Variants in TTBK2 observed in about 807,000 individuals in gnomAD.
TTBK2 encodes the protein tau-tubulin kinase 2.
Under a neutral mutation model 110.8 loss-of-function variants are expected in TTBK2, and 28 were observed. That is an observed-to-expected ratio of 0.25 (90% CI 0.19 to 0.35). TTBK2 has a LOEUF of 0.35. Among genes scored for constraint, TTBK2 ranks in the 10% least tolerant of loss-of-function variants. The probability of loss-of-function intolerance (pLI) is 1.00; values close to 1 mark genes in which losing one functional copy is unlikely to be tolerated. For missense variants in TTBK2, 1,369 were observed against 1,500.3 expected (o/e 0.91, Z 1.45); for synonymous variants, 532 against 527.3 (o/e 1.01, Z -0.12).
Position 42,811,753 on chromosome 15 carries a change from A to G in TTBK2, c.631T>C (p.Ser211Pro). The change falls in exon 8 of 15, where the codon TCC becomes CCC. Residue 211 changes from serine to proline, a missense_variant. By Grantham distance (74) the Ser-to-Pro change is moderately conservative. Coordinates refer to ENST00000267890, the MANE Select transcript of TTBK2 (RefSeq NM_173500.4). Reference sequence around the variant, plus strand: ...AACTCCACCAACATGTAGAATAAGGACCAAAGGTCATCATGTCTTCCCATT... The same window carrying G: ...AACTCCACCAACATGTAGAATAAGGGCCAAAGGTCATCATGTCTTCCCATT... ...REMGRHDDLW[S>P]LFYMLVEFVV... 12 of 1,613,724 alleles carry G rather than the reference A, an allele frequency of 7.4e-6. No homozygotes were observed. Among genetic ancestry groups the G allele is most frequent in the Non-Finnish European group, 1.0e-5 (12 of 1,179,774 alleles).
At chr15:42,897,861 C>CAT (rs1895728779) in intron 1 of TTBK2, among the ~76,000 whole-genome samples, 1 of 150,014 alleles carries the variant, frequency 6.7e-6, no homozygotes, top group East Asian at 2.0e-4. Context: ...CACACACACA[C>CAT]ACACGGAACT....
At chr15:42,840,616 A>C in intron 3 of TTBK2, 183 bp from the exon 4 acceptor site, 1 of 702,938 alleles carries the variant, frequency 1.4e-6, no homozygotes, top group Non-Finnish European at 2.6e-6. Context: ...GCACTGTACT[A>C]TTCCTTTGTG....
intron 3 of TTBK2, among the ~76,000 whole-genome samples, chr15:42,842,215 A>C (rs1410139669): frequency 6.6e-6 from 1 of 152,154 alleles, no homozygotes; most frequent in Non-Finnish European, 1.5e-5. Flanking sequence ...CAACATTCAA[A>C]GCATGAGCAA....
intron 1 of TTBK2, among the ~76,000 whole-genome samples, chr15:42,896,552 T>C (rs1895675763): frequency 6.6e-6 from 1 of 152,068 alleles, no homozygotes; most frequent in Non-Finnish European, 1.5e-5. Context: ...TTTGGGAGGC[T>C]GAGGAAGGAC....
chr15:42,763,139 CATACATATATATATATACATATATATAT>C (rs1567008617), intron 13 of TTBK2, among the ~76,000 whole-genome samples: 1 of 57,250 alleles, frequency 1.7e-5, no homozygotes, highest in Non-Finnish European at 2.8e-5. Flanking sequence ...TACATATATA[CATACATATATATATATACATATATATAT>C]ATATATATAT....
chr15:42,801,573 T>C (rs149228333), intron 9 of TTBK2: 7 of 770,290 alleles, frequency 9.1e-6, no homozygotes, highest in South Asian at 2.7e-5. Context: ...ATCTAGTACA[T>C]GCTCTCAGCC....
intron 6 of TTBK2, among the ~76,000 whole-genome samples, chr15:42,825,612 G>A (rs1892495718): frequency 6.6e-6 from 1 of 152,198 alleles, no homozygotes; most frequent in African/African-American, 2.4e-5. Context: ...CTACTGGGGA[G>A]GCTGAGGCAA....
At chr15:42,759,371 G>A (rs1022791077) in intron 13 of TTBK2, among the ~76,000 whole-genome samples, 2 of 152,224 alleles carry the variant, frequency 1.3e-5, no homozygotes, top group Non-Finnish European at 2.9e-5. Flanking sequence ...CAGGCCAGCT[G>A]AGCGGCTGCA....
chr15:42,870,455 A>G (rs1427020944), intron 3 of TTBK2, among the ~76,000 whole-genome samples: 1 of 152,046 alleles, frequency 6.6e-6, no homozygotes, highest in Non-Finnish European at 1.5e-5. Flanking sequence ...TTGAGAACTG[A>G]GGGAATGTGA....
intron 1 of TTBK2, among the ~76,000 whole-genome samples, chr15:42,882,218 A>T (rs1895077656): frequency 6.6e-6 from 1 of 150,824 alleles, no homozygotes; most frequent in African/African-American, 2.4e-5. Flanking sequence ...CAATAAGCAC[A>T]ACACACACAC....
rs1008235972 is a variant in TTBK2, at chr15:42,742,673, C to T, written c.*3122G>A. On this transcript the variant is annotated 3_prime_UTR_variant, in exon 15 of 15. Transcript: ENST00000267890. ...GTGACTGACTAGGTAACCAGCTATT[C>T]TGTTGTGACAGAAGAAACCAGGTAA... 6.6e-6 allele frequency: 1 copy of T among 152,184 alleles called. No homozygotes were observed. The highest frequency in any genetic ancestry group is 2.4e-5 in the African/African-American group (1 of 41,458). The allele number at this position is 152,184 out of a possible 1,614,324, so 9.4% of individuals were successfully genotyped here. A position where few individuals can be genotyped will look rare whatever the true frequency, so the allele number is the denominator to read the frequency against.
At chr15:42,826,977 G>C (rs1157157823) in intron 6 of TTBK2, among the ~76,000 whole-genome samples, 1 of 152,180 alleles carries the variant, frequency 6.6e-6, no homozygotes, top group East Asian at 1.9e-4. Context: ...ACTGACTTCA[G>C]AAATGATTCC....
At chr15:42,850,519 A>G (rs1893654649) in intron 3 of TTBK2, among the ~76,000 whole-genome samples, 1 of 152,220 alleles carries the variant, frequency 6.6e-6, no homozygotes, top group African/African-American at 2.4e-5. Flanking sequence ...ATTCAGTGGG[A>G]GAGACAGAGT....
rs1566998709 is a variant in TTBK2 at position 42,749,921 on chromosome 15, AAAAC to A, written c.3272+2049_3272+2052del. ...ACAGAGACAGTCTACAACCATCAAA[AAAAC>A]AAACAAACAAATTAGCTAGGTGTGC... On this transcript the variant is annotated intron_variant, in intron 14 of 14. Coordinates refer to ENST00000267890, the MANE Select transcript of TTBK2 (RefSeq NM_173500.4). 4.6e-5 allele frequency among the ~76,000 whole-genome samples: 7 copies of A among 152,236 alleles called. No individual in the cohort carries two copies. The South Asian group carries it at 8.3e-4, about 18-fold the overall frequency.
intron 6 of TTBK2, among the ~76,000 whole-genome samples, chr15:42,826,685 A>G (rs1332258590): frequency 6.6e-6 from 1 of 152,202 alleles, no homozygotes; most frequent in Non-Finnish European, 1.5e-5. Flanking sequence ...ATGTTCAGAC[A>G]TGTTATCTGA....
chr15:42,895,136 C>A (rs557258103), intron 1 of TTBK2, among the ~76,000 whole-genome samples: 3 of 152,238 alleles, frequency 2.0e-5, no homozygotes, highest in Non-Finnish European at 4.4e-5. Flanking sequence ...CAATTGAAAT[C>A]TAAGCAGAAT....
chr15:42,798,053 T>G (rs1891024445), intron 9 of TTBK2, among the ~76,000 whole-genome samples: 2 of 151,956 alleles, frequency 1.3e-5, no homozygotes. Context: ...CCAGCTAATT[T>G]TTGTATCTTT....
intron 3 of TTBK2, among the ~76,000 whole-genome samples, chr15:42,859,984 GA>G (rs976813613): frequency 3.0e-4 from 44 of 145,832 alleles, no homozygotes; most frequent in African/African-American, 5.8e-4. Flanking sequence ...CAGCTGAGGA[GA>G]AAAAAAAAAG....
chr15:42,852,265 T>C (rs1478299491), intron 3 of TTBK2, among the ~76,000 whole-genome samples: 2 of 151,934 alleles, frequency 1.3e-5, no homozygotes, highest in Non-Finnish European at 2.9e-5. Flanking sequence ...GACGGGGTTT[T>C]ACCATGTTGG....
Sources: allele counts gnomAD v4.1 joint callset (sites outside exome capture counted in the v4.1 genomes callset), GRCh38; gene constraint gnomAD v4.1.1; transcripts MANE v1.5; gene names NCBI Gene and HGNC (gene_info 2026-07-23, HGNC 2026-07-21).